TGFA: variants seen among roughly 807,000 people sequenced by gnomAD.
TGFA encodes protransforming growth factor alpha.
A neutral mutation model predicts 21.7 loss-of-function variants in TGFA; 12 were observed. The observed-to-expected ratio is 0.55, with a 90% CI of 0.35 to 0.90. TGFA has a LOEUF of 0.90. Among genes scored for constraint, TGFA ranks in the 40% least tolerant of loss-of-function variants. The pLI is 0.01. For missense variants in TGFA, 178 were observed against 210.8 expected, an observed-to-expected ratio of 0.84 and a Z score of 0.96; for synonymous variants, 79 against 88.1, an observed-to-expected ratio of 0.90 and a Z score of 0.58.
At chr2:70,504,319 A>G (rs1191404120) in intron 2 of TGFA, among the ~76,000 whole-genome samples, 1 of 151,172 alleles carries the variant, frequency 6.6e-6, no homozygotes, top group Non-Finnish European at 1.5e-5. Flanking sequence ...CTGAGTTGGG[A>G]GGATTACTTG....
intron 2 of TGFA, among the ~76,000 whole-genome samples, chr2:70,494,169 C>T (rs1479087767): frequency 6.6e-6 from 1 of 152,144 alleles, no homozygotes; most frequent in East Asian, 1.9e-4. Context: ...CTCAACACAT[C>T]TTCTCTTCTG....
At chr2:70,451,097 G>A (rs1284245897) in intron 5 of TGFA, among the ~76,000 whole-genome samples, 1 of 151,740 alleles carries the variant, frequency 6.6e-6, no homozygotes, top group African/African-American at 2.4e-5. Context: ...GAGTGAGTGA[G>A]TGAGTGATAG....
intron 2 of TGFA, among the ~76,000 whole-genome samples, chr2:70,475,542 G>C (rs558671432): frequency 1.3e-5 from 2 of 152,244 alleles, no homozygotes; most frequent in African/African-American, 4.8e-5. Flanking sequence ...GTGTGTGAGA[G>C]AGAGTTGAGA....
intron 2 of TGFA, among the ~76,000 whole-genome samples, chr2:70,486,334 G>A (rs1414620308): frequency 6.6e-6 from 1 of 152,172 alleles, no homozygotes; most frequent in Non-Finnish European, 1.5e-5. Context: ...TACCTCTAAG[G>A]TATACTCCTC....
At chr2:70,488,861 A>T (rs948100084) in intron 2 of TGFA, among the ~76,000 whole-genome samples, 1 of 152,206 alleles carries the variant, frequency 6.6e-6, no homozygotes, top group African/African-American at 2.4e-5. Flanking sequence ...GTAAAGTTCC[A>T]TGGAAGTCCT....
At chr2:70,452,119 A>C (rs1424451435) in intron 5 of TGFA, among the ~76,000 whole-genome samples, 1 of 151,936 alleles carries the variant, frequency 6.6e-6, no homozygotes, top group Non-Finnish European at 1.5e-5. Context: ...CTTCCTCCCT[A>C]CCCTCTCCAT....
chr2:70,540,940 G>A (rs1299208296), intron 1 of TGFA, among the ~76,000 whole-genome samples: 1 of 152,172 alleles, frequency 6.6e-6, no homozygotes, highest in Non-Finnish European at 1.5e-5. Flanking sequence ...AAATTAAAAT[G>A]AGATACCATT....
intron 2 of TGFA, among the ~76,000 whole-genome samples, chr2:70,492,872 A>T (rs1010371151): frequency 3.9e-5 from 6 of 152,108 alleles, no homozygotes; most frequent in Admixed American, 2.0e-4. Flanking sequence ...TTCCCTGATT[A>T]AAAAAAACTT....
chr2:70,451,587 G>A, intron 5 of TGFA: 1 of 602,594 alleles, frequency 1.7e-6, no homozygotes, highest in South Asian at 2.1e-5. Context: ...GGGTAGAGAA[G>A]AAGTGACATT....
At chr2:70,501,413 G>T (rs1171272227) in intron 2 of TGFA, among the ~76,000 whole-genome samples, 1 of 152,092 alleles carries the variant, frequency 6.6e-6, no homozygotes, top group South Asian at 2.1e-4. Flanking sequence ...TCACCACTGA[G>T]AAGAACCCAA....
chr2:70,474,207 A>G (rs1670856970), intron 2 of TGFA, among the ~76,000 whole-genome samples: 1 of 152,214 alleles, frequency 6.6e-6, no homozygotes, highest in Admixed American at 6.5e-5. Context: ...TGGGGTTAGC[A>G]TTATTAGTCT....
intron 2 of TGFA, among the ~76,000 whole-genome samples, chr2:70,499,003 G>A (rs1019620205): frequency 6.6e-6 from 1 of 152,014 alleles, no homozygotes; most frequent in South Asian, 2.1e-4. Context: ...GGTGGGGCCA[G>A]GACACTAGTG....
intron 2 of TGFA, among the ~76,000 whole-genome samples, chr2:70,513,703 AAGG>A (rs1672175270): frequency 6.6e-6 from 1 of 152,190 alleles, no homozygotes; most frequent in Non-Finnish European, 1.5e-5. Context: ...GAAAGGCCTG[AAGG>A]AGGAGAAGAG....
chr2:70,470,420 T>C (rs1484294461), intron 2 of TGFA, among the ~76,000 whole-genome samples: 1 of 152,190 alleles, frequency 6.6e-6, no homozygotes, highest in Non-Finnish European at 1.5e-5. Flanking sequence ...ATATATATAC[T>C]TGTTCTGCAC....
At chr2:70,461,710 G>A (rs1326515205) in intron 3 of TGFA, 1 of 152,128 alleles carries the variant, frequency 6.6e-6, no homozygotes, top group African/African-American at 2.4e-5. Flanking sequence ...ATCTGCCTCG[G>A]GGAAAAAGTG....
chr2:70,530,397 T>C (rs1174794358), intron 1 of TGFA, among the ~76,000 whole-genome samples: 1 of 152,224 alleles, frequency 6.6e-6, no homozygotes, highest in African/African-American at 2.4e-5. Context: ...GATCTCCATC[T>C]AAGGCAGTGG....
Position 70,553,735 on chromosome 2 carries a change from G to T in TGFA, c.33C>A (p.Phe11Leu), listed in dbSNP as rs782496378. 5 of 1,330,834 alleles carry T rather than the reference G, an allele frequency of 3.8e-6. No homozygotes were observed. In the South Asian group the frequency reaches 9.1e-5, roughly 24 times the overall value. 82.4% of individuals were successfully genotyped at this position (1,330,834 alleles called of 1,614,324 possible). A position where few individuals can be genotyped will look rare whatever the true frequency, so the allele number is the denominator to read the frequency against. Residue 11 changes from phenylalanine to leucine, a missense_variant, in exon 1 of 6, where the codon TTC (phenylalanine) becomes TTA (leucine). Coordinates refer to ENST00000295400, the MANE Select transcript of TGFA (RefSeq NM_003236.4). MVPSAGQLAL[F>L]ALGIVLAACQ... ...CGCAGCCGGCGTACGTACCCAGAGCGAACAGGGCGAGCTGTCCAGCCGAGG... is the reference window on the plus strand; with the variant it reads ...CGCAGCCGGCGTACGTACCCAGAGCTAACAGGGCGAGCTGTCCAGCCGAGG...
At chr2:70,529,386 G>T (rs1403151043) in intron 1 of TGFA, among the ~76,000 whole-genome samples, 1 of 152,240 alleles carries the variant, frequency 6.6e-6, no homozygotes, top group African/African-American at 2.4e-5. Context: ...AGGAGACACT[G>T]TTCCAACCTT....
chr2:70,541,218 G>T (rs1436681355), intron 1 of TGFA, among the ~76,000 whole-genome samples: 1 of 152,160 alleles, frequency 6.6e-6, no homozygotes, highest in Non-Finnish European at 1.5e-5. Flanking sequence ...TCCATCAATA[G>T]CGATGGATTA....
Sources: gnomAD v4.1 joint callset for allele counts (sites outside exome capture counted in the v4.1 genomes callset) on GRCh38, gnomAD v4.1.1 for gene constraint, MANE v1.5 for transcripts, NCBI Gene and HGNC (gene_info 2026-07-23, HGNC 2026-07-21) for gene names.